Variants in PBX3 observed in about 807,000 individuals in gnomAD.
PBX3 encodes the protein PBX homeobox 3, also known as pre-B-cell leukemia transcription factor 3.
PBX3 carries 14 observed loss-of-function variants against 48.5 expected under a neutral mutation model. The ratio of observed to expected loss-of-function variants is 0.29; its 90% CI spans 0.19 to 0.45. The LOEUF is 0.45. Among genes scored for constraint, PBX3 ranks in the 20% least tolerant of loss-of-function variants. PBX3 has a pLI of 1.00. For missense variants in PBX3, 386 were observed against 546.7 expected (o/e 0.71, Z 2.93); for synonymous variants, 210 against 200.3 (o/e 1.05, Z -0.41).
chr9:125,812,206 C>A (rs1324809062), intron 2 of PBX3, among the ~76,000 whole-genome samples: 1 of 152,136 alleles, frequency 6.6e-6, no homozygotes, highest in Non-Finnish European at 1.5e-5. Context: ...CCTAAACATA[C>A]CAAGACACCT....
chr9:125,812,559 A>G (rs940265314), intron 2 of PBX3, among the ~76,000 whole-genome samples: 27 of 152,234 alleles, frequency 1.8e-4, no homozygotes, highest in African/African-American at 5.1e-4. Context: ...ATTGATCAAT[A>G]CAGGGACCTG....
chr9:125,965,663 T>C (rs567055287), intron 8 of PBX3, among the ~76,000 whole-genome samples, 168 bp from the exon 9 acceptor site: 18 of 152,238 alleles, frequency 1.2e-4, no homozygotes, highest in Middle Eastern at 3.2e-3. Flanking sequence ...TTGTTTTACA[T>C]GCATTTAATC....
chr9:125,751,015 C>G (rs1010241094), intron 2 of PBX3, among the ~76,000 whole-genome samples: 1 of 152,096 alleles, frequency 6.6e-6, no homozygotes, highest in African/African-American at 2.4e-5. Flanking sequence ...TCCAAGCCCC[C>G]CCACTCCTGC....
intron 2 of PBX3, among the ~76,000 whole-genome samples, chr9:125,865,468 G>C (rs1839956353): frequency 6.6e-6 from 1 of 152,104 alleles, no homozygotes; most frequent in Non-Finnish European, 1.5e-5. Flanking sequence ...TGCTTCATTA[G>C]ATAGATGAAA....
intron 2 of PBX3, among the ~76,000 whole-genome samples, chr9:125,903,721 T>A (rs1009459183): frequency 6.6e-6 from 1 of 151,892 alleles, no homozygotes; most frequent in Admixed American, 6.6e-5. Flanking sequence ...GTTTTTTAAA[T>A]GACCCAAAAC....
At chr9:125,914,939 C>T (rs1588291001) in intron 2 of PBX3, among the ~76,000 whole-genome samples, 1 of 152,292 alleles carries the variant, frequency 6.6e-6, no homozygotes, top group Middle Eastern at 3.4e-3. Flanking sequence ...GCTGACTGGG[C>T]ATCACTTAGG....
chr9:125,850,986 T>C (rs562723820), intron 2 of PBX3, among the ~76,000 whole-genome samples: 1 of 152,194 alleles, frequency 6.6e-6, no homozygotes, highest in East Asian at 1.9e-4. Flanking sequence ...CAGGAAGATA[T>C]CTGTCTTCTG....
rs1180316888 is a variant in PBX3 at position 125,780,896 on chromosome 9, G to A, written c.274+32273G>A. On this transcript the variant is annotated intron_variant, in intron 2 of 8. Transcript: ENST00000373489. ...TTCTCAGACGGGGCGGATGCTGGGC[G>A]GAGGGTCTCCTCACTTCTCAGAGGG... Among the ~76,000 whole-genome samples, 14 of 144,270 alleles carry A rather than the reference G, an allele frequency of 9.7e-5. No homozygotes were observed. The South Asian group carries it at 1.1e-3, about 12-fold the overall frequency. The allele number at this position is 144,270 out of a possible 152,430, so 94.6% of individuals were successfully genotyped here.
chr9:125,810,199 T>A (rs1838246314), intron 2 of PBX3, among the ~76,000 whole-genome samples: 1 of 152,218 alleles, frequency 6.6e-6, no homozygotes, highest in African/African-American at 2.4e-5. Flanking sequence ...TATAAAAATT[T>A]CTGTTTTCTC....
intron 2 of PBX3, among the ~76,000 whole-genome samples, chr9:125,906,651 A>G (rs984179026): frequency 1.3e-5 from 2 of 152,026 alleles, no homozygotes; most frequent in Admixed American, 1.3e-4. Context: ...TTTTAATTCA[A>G]GTGGGGTCTA....
chr9:125,848,042 T>C (rs923950012), intron 2 of PBX3, among the ~76,000 whole-genome samples: 1 of 152,026 alleles, frequency 6.6e-6, no homozygotes, highest in Non-Finnish European at 1.5e-5. Context: ...GTCTAATGCG[T>C]TGATGGTTCA....
chr9:125,935,623 T>TG lies in PBX3; in HGVS notation c.843+19dup. On this transcript the variant is annotated intron_variant, in intron 5 of 8. Coordinates refer to ENST00000373489, the MANE Select transcript of PBX3 (RefSeq NM_006195.6). ...AGTGTCACAGGTGAGAAAGGACCCA[T>TG]GGGTCTGTCTTGTTCCCTGTGGAGA... 1 of 1,613,228 alleles carries TG rather than the reference T, an allele frequency of 6.2e-7. No homozygotes were observed. The highest frequency in any genetic ancestry group is 1.1e-5 in the South Asian group (1 of 91,002).
At chr9:125,797,201 A>G (rs1171184458) in intron 2 of PBX3, among the ~76,000 whole-genome samples, 1 of 152,190 alleles carries the variant, frequency 6.6e-6, no homozygotes, top group Non-Finnish European at 1.5e-5. Flanking sequence ...AATCCATAAC[A>G]TAAAGAGCCT....
intron 2 of PBX3, among the ~76,000 whole-genome samples, chr9:125,757,455 A>G (rs995920593): frequency 6.6e-6 from 1 of 152,184 alleles, no homozygotes; most frequent in Non-Finnish European, 1.5e-5. Context: ...GTTCACAGAC[A>G]TTACTCTGTA....
At chr9:125,750,505 T>G (rs548718735) in intron 2 of PBX3, among the ~76,000 whole-genome samples, 1 of 152,312 alleles carries the variant, frequency 6.6e-6, no homozygotes, top group East Asian at 1.9e-4. Context: ...CAACCACATG[T>G]CAAAGGTGAG....
chr9:125,892,045 G>A (rs1347694528), intron 2 of PBX3, among the ~76,000 whole-genome samples: 4 of 151,978 alleles, frequency 2.6e-5, no homozygotes, highest in African/African-American at 7.3e-5. Flanking sequence ...CCGGCCTCCC[G>A]AGTAGCTGGG....
At chr9:125,932,039 G>T (rs542567206) in intron 4 of PBX3, among the ~76,000 whole-genome samples, 1 of 152,244 alleles carries the variant, frequency 6.6e-6, no homozygotes, top group Non-Finnish European at 1.5e-5. Context: ...CTTCCAAAAT[G>T]AAATGCTTCA....
chr9:125,781,952 C>T (rs116930990), intron 2 of PBX3, among the ~76,000 whole-genome samples: 2,262 of 151,748 alleles, frequency 0.015, 25 homozygotes, highest in South Asian at 0.025. Flanking sequence ...TTTGTGTTTG[C>T]GTTTTTAATT....
At chr9:125,830,820 A>G (rs1180881081) in intron 2 of PBX3, among the ~76,000 whole-genome samples, 2 of 151,430 alleles carry the variant, frequency 1.3e-5, no homozygotes, top group East Asian at 1.9e-4. Flanking sequence ...TTCAAACTCT[A>G]GCTGTTTGAT....
Sources: allele counts gnomAD v4.1 joint callset (sites outside exome capture counted in the v4.1 genomes callset), GRCh38; gene constraint gnomAD v4.1.1; transcripts MANE v1.5; gene names NCBI Gene and HGNC (gene_info 2026-07-23, HGNC 2026-07-21).